The following FRYL variants were observed in gnomAD, a reference collection of about 807,000 sequenced individuals.
FRYL encodes the protein protein furry homolog-like.
FRYL carries 150 observed loss-of-function variants against 351.2 expected under a neutral mutation model. The observed-to-expected ratio is 0.43, with a 90% CI of 0.37 to 0.49. FRYL has a LOEUF of 0.49. Among genes scored for constraint, FRYL ranks in the 20% least tolerant of loss-of-function variants. The pLI is 0.00. For synonymous variants in FRYL, 1,153 were observed against 1,257.1 expected (o/e 0.92, Z 1.75); for missense variants, 3,036 against 3,619.3 (o/e 0.84, Z 4.13).
At chr4:48,629,090 A>G (rs1351600124) in intron 4 of FRYL, among the ~76,000 whole-genome samples, 2 of 151,036 alleles carry the variant, frequency 1.3e-5, no homozygotes, top group East Asian at 1.9e-4. Flanking sequence ...TACTATAAAA[A>G]GTTAATAATA....
chr4:48,623,072 T>C (rs1750990749), intron 5 of FRYL, 54 bp downstream of exon 5: 1 of 1,091,544 alleles, frequency 9.2e-7, no homozygotes, highest in African/African-American at 1.6e-5. Flanking sequence ...GGCCAGACTA[T>C]TAGGATGAAC....
Position 48,670,054 on chromosome 4 carries a change from G to C in FRYL, c.-81+14619C>G, listed in dbSNP as rs867581431. ...ATGTGTAACAATCACAGGGTAAATG[G>C]AGTACCCATCACCTCAAGCATTTAT... On this transcript the variant is annotated intron_variant, in intron 3 of 63. Coordinates refer to ENST00000358350, the MANE Select transcript of FRYL (RefSeq NM_015030.2). 2.6e-5 allele frequency among the ~76,000 whole-genome samples: 4 copies of C among 152,194 alleles called. 1 individual carries two copies. Among genetic ancestry groups the C allele is most frequent in the Middle Eastern group, 3.4e-3 (1 of 294 alleles).
chr4:48,727,211 T>TA (rs1157670925), intron 1 of FRYL, among the ~76,000 whole-genome samples: 11 of 150,494 alleles, frequency 7.3e-5, no homozygotes, highest in South Asian at 2.1e-4. Context: ...TATAGCAACT[T>TA]AAAAAAAAAT....
intron 3 of FRYL, among the ~76,000 whole-genome samples, chr4:48,655,475 C>T (rs1455752708): frequency 2.0e-5 from 3 of 151,654 alleles, no homozygotes; most frequent in Non-Finnish European, 4.4e-5. Context: ...CATTCTTATA[C>T]ATTAACAATA....
intron 3 of FRYL, chr4:48,638,471 G>A (rs1363748074): frequency 1.3e-5 from 2 of 152,294 alleles, no homozygotes; most frequent in Middle Eastern, 3.4e-3. Flanking sequence ...ATGCTGGAGA[G>A]GATGTGGAGA....
At chr4:48,697,693 G>T (rs1766330321) in intron 2 of FRYL, among the ~76,000 whole-genome samples, 1 of 152,036 alleles carries the variant, frequency 6.6e-6, no homozygotes, top group African/African-American at 2.4e-5. Flanking sequence ...TGGTCACGCT[G>T]GTCTTAAACT....
intron 1 of FRYL, among the ~76,000 whole-genome samples, chr4:48,720,037 C>A (rs1467576507): frequency 6.6e-6 from 1 of 150,448 alleles, no homozygotes; most frequent in African/African-American, 2.4e-5. Flanking sequence ...GTAATCCCAG[C>A]TACTTGGGAG....
At chr4:48,735,971 T>TAAAAAAAAAAAAA (rs71191254) in intron 1 of FRYL, among the ~76,000 whole-genome samples, 1 of 100,732 alleles carries the variant, frequency 9.9e-6, no homozygotes, top group African/African-American at 3.6e-5. Context: ...TAGAGTATAA[T>TAAAAAAAAAAAAA]AAAAAAAAAA....
chr4:48,541,928 T>C (rs1266779331), intron 45 of FRYL, 99 bp downstream of exon 45: 19 of 818,294 alleles, frequency 2.3e-5, no homozygotes, highest in East Asian at 2.2e-4. Context: ...TTGGGCAGTA[T>C]TGTGCTTACT....
At chr4:48,737,111 C>T (rs1771522748) in intron 1 of FRYL, among the ~76,000 whole-genome samples, 2 of 151,468 alleles carry the variant, frequency 1.3e-5, no homozygotes. Flanking sequence ...GAAACCCCAT[C>T]TCTACTAAAA....
At chr4:48,617,302 G>A (rs570903019) in intron 7 of FRYL, among the ~76,000 whole-genome samples, 1 of 150,750 alleles carries the variant, frequency 6.6e-6, no homozygotes, top group South Asian at 2.1e-4. Context: ...ATTTTGTGCA[G>A]TGCAGTGAAT....
intron 1 of FRYL, among the ~76,000 whole-genome samples, chr4:48,753,619 AG>A (rs1773475757): frequency 6.6e-6 from 1 of 152,152 alleles, no homozygotes; most frequent in South Asian, 2.1e-4. Flanking sequence ...GAAGCACAAA[AG>A]TTTTTAATTC....
At chr4:48,598,950 A>G in intron 13 of FRYL, 2 of 510,170 alleles carry the variant, frequency 3.9e-6, no homozygotes, top group Non-Finnish European at 5.1e-6. Context: ...TAAGCACAAA[A>G]CAAGACAGCT....
chr4:48,623,618 G>T (rs151104249), intron 4 of FRYL, among the ~76,000 whole-genome samples: 3 of 152,080 alleles, frequency 2.0e-5, no homozygotes, highest in Non-Finnish European at 4.4e-5. Context: ...TGTGACCTCC[G>T]ACCTGACTAC....
chr4:48,512,234 A>G (rs1175169852), intron 57 of FRYL, among the ~76,000 whole-genome samples: 6 of 152,176 alleles, frequency 3.9e-5, no homozygotes, highest in Admixed American at 3.9e-4. Context: ...TGCAGAAAAC[A>G]TATCAGACGT....
chr4:48,608,596 C>G (rs1480158044), intron 9 of FRYL, among the ~76,000 whole-genome samples: 1 of 152,010 alleles, frequency 6.6e-6, no homozygotes, highest in Non-Finnish European at 1.5e-5. Flanking sequence ...AGCATTAAAA[C>G]AAATATGATT....
At chr4:48,691,247 A>T (rs1765649310) in intron 2 of FRYL, among the ~76,000 whole-genome samples, 1 of 152,234 alleles carries the variant, frequency 6.6e-6, no homozygotes, top group Non-Finnish European at 1.5e-5. Flanking sequence ...AAAGATAATC[A>T]GACATGCACA....
intron 3 of FRYL, among the ~76,000 whole-genome samples, chr4:48,683,058 G>A (rs956028433): frequency 6.6e-6 from 1 of 152,090 alleles, no homozygotes; most frequent in African/African-American, 2.4e-5. Flanking sequence ...AGAAAATGTG[G>A]CACATATATA....
At chr4:48,601,979 CCAGT>C (rs763520982) in intron 13 of FRYL, 37 bp downstream of exon 13, 52 of 1,136,102 alleles carry the variant, frequency 4.6e-5, no homozygotes, top group Non-Finnish European at 6.0e-5. Context: ...ACAAAATATA[CCAGT>C]CAGTATTTAC....
Sources: allele counts gnomAD v4.1 joint callset (sites outside exome capture counted in the v4.1 genomes callset), GRCh38; gene constraint gnomAD v4.1.1; transcripts MANE v1.5; gene names NCBI Gene and HGNC (gene_info 2026-07-23, HGNC 2026-07-21).